Variants in MRAP2 observed in about 807,000 individuals in gnomAD.
MRAP2 encodes the protein melanocortin-2 receptor accessory protein 2.
A neutral mutation model predicts 17.4 loss-of-function variants in MRAP2; 20 were observed. The ratio of observed to expected loss-of-function variants is 1.15; its 90% CI spans 0.81 to 1.67. The LOEUF (loss-of-function observed/expected upper bound fraction) is 1.67, where lower values mean the gene tolerates loss of function less well. MRAP2 is among the 40% of genes most tolerant of loss of function. The pLI is 0.00. For synonymous variants in MRAP2, 96 were observed against 88.4 expected, an observed-to-expected ratio of 1.09 and a Z score of -0.48; for missense variants, 238 against 240.0, an observed-to-expected ratio of 0.99 and a Z score of 0.05.
the MRAP2 span, among the ~76,000 whole-genome samples, chr6:84,108,443 T>A: frequency 1.3e-5 from 2 of 152,306 alleles, no homozygotes; most frequent in African/African-American, 4.8e-5. Flanking sequence ...TGTTGAGTTT[T>A]TTTTTTTATA....
At position 84,033,889 on chromosome 6, in the gene MRAP2, C is replaced by A; in HGVS notation, c.-8+6C>A. 2 of 983,786 alleles carry A rather than the reference C, an allele frequency of 2.0e-6. No homozygotes were observed. The highest frequency in any genetic ancestry group is 4.6e-5 in the South Asian group (1 of 21,616). The allele number at this position is 983,786 out of a possible 1,614,324, so 60.9% of individuals were successfully genotyped here. A position where few individuals can be genotyped will look rare whatever the true frequency, so the allele number is the denominator to read the frequency against. On this transcript the variant is annotated splice_donor_region_variant and intron_variant, in intron 1 of 3. Transcript: ENST00000257776. ...GGGCCGGGGCTAGCCAGCCGGTAAC[C>A]ACGGGCGGGACAGGGCGCCCAGGGC...
chr6:84,094,238 C>T (rs993843641), downstream of MRAP2, among the ~76,000 whole-genome samples: 62 of 152,122 alleles, frequency 4.1e-4, 1 homozygote, highest in African/African-American at 1.5e-3. Context: ...TCTTTTGAGA[C>T]AATAGCAAAG....
In MRAP2 at chr6:84,055,595, C is replaced by T. The variant is rs902645181; in HGVS notation, c.127+150C>T. On this transcript the variant is annotated intron_variant, in intron 2 of 3. Coordinates refer to ENST00000257776, the MANE Select transcript of MRAP2 (RefSeq NM_138409.4). The stretch of plus-strand genomic sequence containing the variant: ...AATTCTACAAAACATCTCGCCTCCA[C>T]ACATAGGCTGATTGCTCAGGAATGG... 31 of 744,694 alleles carry T rather than the reference C, an allele frequency of 4.2e-5. No homozygotes were observed. In the African/African-American group the frequency reaches 4.7e-4, roughly 11 times the overall value. The allele number at this position is 744,694 out of a possible 1,614,324, so 46.1% of individuals were successfully genotyped here. A position where few individuals can be genotyped will look rare whatever the true frequency, so the allele number is the denominator to read the frequency against.
the MRAP2 span, chr6:84,124,324 C>T: frequency 6.6e-6 from 1 of 151,744 alleles, no homozygotes; most frequent in African/African-American, 2.4e-5. Flanking sequence ...TATCTACCAA[C>T]AATTGACTGG....
chr6:84,043,875 A>G (rs1175638245), intron 1 of MRAP2, among the ~76,000 whole-genome samples: 1 of 152,192 alleles, frequency 6.6e-6, no homozygotes, highest in Non-Finnish European at 1.5e-5. Flanking sequence ...TGTGTTCAAA[A>G]CTAGTGCTCT....
the MRAP2 span, among the ~76,000 whole-genome samples, chr6:84,122,352 CAAAAAAAA>C: frequency 1.1e-4 from 4 of 36,150 alleles, no homozygotes; most frequent in African/African-American, 1.1e-4. Context: ...ACAGCACATC[CAAAAAAAA>C]AAAAAAAAAA....
At chr6:84,137,197 T>C in the MRAP2 span, among the ~76,000 whole-genome samples, 1 of 152,220 alleles carries the variant, frequency 6.6e-6, no homozygotes, top group Non-Finnish European at 1.5e-5. Flanking sequence ...TGACTTGCAT[T>C]GAAGAGAAAT....
chr6:84,121,897 C>CAAG, the MRAP2 span, among the ~76,000 whole-genome samples: 36,805 of 151,746 alleles, frequency 0.24, 9,826 homozygotes, highest in African/African-American at 0.67. Flanking sequence ...CCTAGAAAAA[C>CAAG]AACAAACTGA....
intron 3 of MRAP2, among the ~76,000 whole-genome samples, chr6:84,084,571 C>T (rs1453374447): frequency 6.6e-6 from 1 of 152,120 alleles, no homozygotes. Context: ...AAGTTTTTTG[C>T]ATTTTGACTG....
At chr6:84,126,898 C>T in the MRAP2 span, among the ~76,000 whole-genome samples, 4 of 152,192 alleles carry the variant, frequency 2.6e-5, no homozygotes, top group South Asian at 6.2e-4. Flanking sequence ...GCCCCATGCA[C>T]AGAAAGAGTT....
chr6:84,126,244 A>T, the MRAP2 span: 1 of 549,500 alleles, frequency 1.8e-6, no homozygotes, highest in Non-Finnish European at 2.8e-6. Context: ...TAAATTTATT[A>T]AATTTTTAAC....
At chr6:84,039,272 CAT>C (rs1301923870) in intron 1 of MRAP2, among the ~76,000 whole-genome samples, 2 of 152,160 alleles carry the variant, frequency 1.3e-5, no homozygotes, top group Non-Finnish European at 2.9e-5. Context: ...TGTTTTCAGA[CAT>C]CAGCATAGCA....
rs1370497334 is a variant in MRAP2, at chr6:84,045,692, G to A, written c.-7-9620G>A. Among the ~76,000 whole-genome samples, 6 of 152,252 alleles carry A rather than the reference G, an allele frequency of 3.9e-5. No individual in the cohort carries two copies. In the East Asian group the frequency reaches 1.2e-3, roughly 29 times the overall value. On this transcript the variant is annotated intron_variant, in intron 1 of 3. Transcript: ENST00000257776. ...GCATGAGAATGGCTTGAACCCAGGA[G>A]GCAGAGGTTGCATTGAGCTGAGATC...
At chr6:84,065,539 A>C in intron 3 of MRAP2, among the ~76,000 whole-genome samples, 1 of 152,212 alleles carries the variant, frequency 6.6e-6, no homozygotes, top group Non-Finnish European at 1.5e-5. Context: ...AGATTAAGGC[A>C]CAACTCGTAG....
the MRAP2 span, among the ~76,000 whole-genome samples, chr6:84,118,429 A>G: frequency 1.3e-5 from 2 of 150,206 alleles, no homozygotes; most frequent in South Asian, 2.1e-4. Flanking sequence ...AGCTCTTTCT[A>G]GAATACTGGC....
intron 3 of MRAP2, among the ~76,000 whole-genome samples, chr6:84,068,165 GT>G (rs979332417): frequency 1.3e-5 from 2 of 152,022 alleles, no homozygotes; most frequent in African/African-American, 4.8e-5. Flanking sequence ...CCCACTTTAT[GT>G]TTTTGTTTGC....
At chr6:84,047,719 T>A (rs572161099) in intron 1 of MRAP2, among the ~76,000 whole-genome samples, 15 of 152,318 alleles carry the variant, frequency 9.8e-5, no homozygotes, top group Non-Finnish European at 1.6e-4. Context: ...TAGCTCCTGA[T>A]AACCACCATT....
At chr6:84,106,819 A>C in the MRAP2 span, among the ~76,000 whole-genome samples, 1 of 152,126 alleles carries the variant, frequency 6.6e-6, no homozygotes, top group African/African-American at 2.4e-5. Flanking sequence ...GCTGCTGTGC[A>C]TGCCCAATTT....
intron 1 of MRAP2, among the ~76,000 whole-genome samples, chr6:84,035,939 G>C (rs533579645): frequency 6.6e-6 from 1 of 152,148 alleles, no homozygotes; most frequent in East Asian, 1.9e-4. Flanking sequence ...ATTGTATAAA[G>C]AGAATATCAC....
Sources: gnomAD v4.1 joint callset for allele counts (sites outside exome capture counted in the v4.1 genomes callset) on GRCh38, gnomAD v4.1.1 for gene constraint, MANE v1.5 for transcripts, NCBI Gene and HGNC (gene_info 2026-07-23, HGNC 2026-07-21) for gene names.